MAX: variants seen among roughly 807,000 people sequenced by gnomAD.
MAX encodes MYC associated transcriptional regulator X.
A neutral mutation model predicts 22.3 loss-of-function variants in MAX; 3 were observed. That is an observed-to-expected ratio of 0.13 (90% CI 0.06 to 0.35). The LOEUF is 0.35. MAX is among the 10% of genes least tolerant of loss of function. The pLI, the probability that MAX is intolerant of heterozygous loss-of-function variation, is 1.00. For missense variants in MAX, 119 were observed against 209.4 expected, an observed-to-expected ratio of 0.57 and a Z score of 2.66; for synonymous variants, 72 against 77.7, an observed-to-expected ratio of 0.93 and a Z score of 0.39.
intron 3 of MAX, among the ~76,000 whole-genome samples, chr14:65,064,734 T>G (rs2062914032): frequency 6.6e-6 from 1 of 152,260 alleles, no homozygotes; most frequent in Non-Finnish European, 1.5e-5. Flanking sequence ...TAGAAGCACG[T>G]AGTTTTTGGG....
intron 3 of MAX, among the ~76,000 whole-genome samples, chr14:65,068,783 A>C (rs1372147344): frequency 1.3e-5 from 2 of 152,096 alleles, no homozygotes; most frequent in African/African-American, 4.8e-5. Context: ...TAATGGGTAC[A>C]TTTGGGTTCA....
At chr14:65,021,266 T>G (rs2061881304) in intron 3 of MAX, among the ~76,000 whole-genome samples, 1 of 152,214 alleles carries the variant, frequency 6.6e-6, no homozygotes, top group Non-Finnish European at 1.5e-5. Context: ...TTAGCTTCTG[T>G]AAGATTTAAA....
chr14:65,059,865 T>C (rs1242282525), intron 3 of MAX, among the ~76,000 whole-genome samples: 9 of 148,270 alleles, frequency 6.1e-5, no homozygotes, highest in Non-Finnish European at 1.2e-4. Context: ...AGACAGAGTC[T>C]CGCTGTTGCC....
intron 3 of MAX, among the ~76,000 whole-genome samples, chr14:65,019,693 G>A (rs2061850426): frequency 6.6e-6 from 1 of 152,178 alleles, no homozygotes; most frequent in Non-Finnish European, 1.5e-5. Flanking sequence ...TCTACGCATT[G>A]ATTTAGTGAA....
rs958687640 is a variant in MAX, at chr14:65,031,217, A to G, written c.172-24933T>C. Among the ~76,000 whole-genome samples the G allele has an allele frequency of 1.3e-5, 2 of 152,198 alleles. No homozygotes were observed. Among genetic ancestry groups the G allele is most frequent in the African/African-American group, 2.4e-5 (1 of 41,452 alleles). The stretch of plus-strand genomic sequence containing the variant: ...GAAAGGCAGTCTGTGTGTGTATACC[A>G]TGACAGAGGGAGAAGCTGAAATAAA... On this transcript the variant is annotated intron_variant, in intron 3 of 3. Coordinates refer to the MAX transcript ENST00000341653. This position sits in a 1 kb window ranked among gnomAD's most constrained non-coding sequence, Gnocchi z 4.6.
Position 65,089,572 on chromosome 14 carries a change from T to G in MAX, c.171+4136A>C, listed in dbSNP as rs559107893. On this transcript the variant is annotated intron_variant, in intron 3 of 4. Transcript: ENST00000358664. ...ACAGTGTGGTTGGTTATAATCATTC[T>G]GGCTCAGGTACTGGGGCTTATGAGA... is the stretch of plus-strand genomic sequence containing the variant. Among the ~76,000 whole-genome samples, 462 of 151,972 alleles carry G rather than the reference T, an allele frequency of 3.0e-3. 1 individual carries two copies. The highest frequency in any genetic ancestry group is 0.011 in the African/African-American group (445 of 41,478).
intron 3 of MAX, among the ~76,000 whole-genome samples, chr14:65,008,689 C>T (rs2061634711): frequency 6.6e-6 from 1 of 152,160 alleles, no homozygotes; most frequent in African/African-American, 2.4e-5. Flanking sequence ...AGCCAGGAGA[C>T]TGAAAGGAGC....
downstream of MAX, among the ~76,000 whole-genome samples, chr14:65,073,798 C>T (rs2063012424): frequency 6.6e-6 from 1 of 152,174 alleles, no homozygotes; most frequent in Non-Finnish European, 1.5e-5. Context: ...GTGTTCCTGC[C>T]CAGGAAGCTG....
chr14:65,055,276 T>G (rs1425434950), intron 3 of MAX, among the ~76,000 whole-genome samples: 1 of 152,232 alleles, frequency 6.6e-6, no homozygotes, highest in East Asian at 1.9e-4. Flanking sequence ...GAGGACAACC[T>G]GGAGGTGCTC....
chr14:65,040,665 A>T, intron 3 of MAX: 1 of 1,085,406 alleles, frequency 9.2e-7, no homozygotes, highest in Non-Finnish European at 1.2e-6. Context: ...GCATCTTTTC[A>T]TTCATAGTTG....
chr14:65,021,683 T>TC (rs1414801747), intron 3 of MAX, among the ~76,000 whole-genome samples: 1 of 152,156 alleles, frequency 6.6e-6, no homozygotes, highest in African/African-American at 2.4e-5. Context: ...TCTTGCTGTG[T>TC]CCCCCAGGCT....
At chr14:65,020,816 CCACCTCCCGGGTTCAA>C (rs1328696524) in intron 3 of MAX, among the ~76,000 whole-genome samples, 2 of 150,344 alleles carry the variant, frequency 1.3e-5, no homozygotes, top group Non-Finnish European at 3.0e-5. Flanking sequence ...ACTGCAACCT[CCACCTCCCGGGTTCAA>C]GTGATTCTCC....
chr14:65,056,055 T>C (rs1176320340), intron 3 of MAX, among the ~76,000 whole-genome samples: 1 of 152,228 alleles, frequency 6.6e-6, no homozygotes, highest in Non-Finnish European at 1.5e-5. Flanking sequence ...CCTGTGGATG[T>C]TTTTGTGCTA....
At chr14:65,080,760 C>T (rs757241721) in intron 3 of MAX, among the ~76,000 whole-genome samples, 1 of 152,214 alleles carries the variant, frequency 6.6e-6, no homozygotes, top group Non-Finnish European at 1.5e-5. Context: ...TAGCTCTTAA[C>T]TACCCATGTG....
chr14:65,078,087 G>A lies in MAX; in HGVS notation c.172-51C>T, dbSNP rs772992447. 10 of 1,612,972 alleles carry A rather than the reference G, an allele frequency of 6.2e-6. No individual in the cohort carries two copies. The highest frequency in any genetic ancestry group is 8.5e-6 in the Non-Finnish European group (10 of 1,179,406). The stretch of plus-strand genomic sequence containing the variant: ...GGGGACAAAATAAAAACCCAATCCA[G>A]GCAGTGAGGGAACCTGGCCTGCAGC... On this transcript the variant is annotated intron_variant, in intron 3 of 4. Transcript: ENST00000358664. This position sits in a 1 kb window ranked among gnomAD's most constrained non-coding sequence, Gnocchi z 6.4.
Position 65,014,202 on chromosome 14 carries a change from A to G in MAX, c.172-7918T>C, listed in dbSNP as rs1483257711. On this transcript the variant is annotated intron_variant, in intron 3 of 3. Transcript: ENST00000341653. The surrounding 1 kb of genome is among the most constrained non-coding windows in gnomAD (Gnocchi z 5.1). Reference sequence around the variant, plus strand: ...AAAGGTTAATCTTTGGACCTCATTTATATATTTTAATTTATAAAACTGGGG... The same window carrying G: ...AAAGGTTAATCTTTGGACCTCATTTGTATATTTTAATTTATAAAACTGGGG... 6.6e-6 allele frequency among the ~76,000 whole-genome samples: 1 copy of G among 152,186 alleles called. No individual in the cohort carries two copies. Among genetic ancestry groups the G allele is most frequent in the Admixed American group, 6.5e-5 (1 of 15,274 alleles).
chr14:65,044,391 C>T lies in MAX; in HGVS notation c.172-38107G>A. 6.2e-7 allele frequency: 1 copy of T among 1,613,124 alleles called. No individual in the cohort carries two copies. The highest frequency in any genetic ancestry group is 8.5e-7 in the Non-Finnish European group (1 of 1,179,666). Reference sequence around the variant, plus strand: ...ACAAGCTGGTGGATGGCTGCTACTCCTTCTGGCAGGCGGGGCTCCTGCCCC... The same window carrying T: ...ACAAGCTGGTGGATGGCTGCTACTCTTTCTGGCAGGCGGGGCTCCTGCCCC... On this transcript the variant is annotated intron_variant, in intron 3 of 3. Transcript: ENST00000341653. The surrounding 1 kb of genome is among the most constrained non-coding windows in gnomAD (Gnocchi z 5.5).
intron 3 of MAX, chr14:65,015,579 G>T (rs758595283): frequency 1.2e-6 from 2 of 1,606,946 alleles, no homozygotes; most frequent in Non-Finnish European, 8.5e-7. Context: ...CAGTGTCTTG[G>T]AGTGATTGTG....
intron 3 of MAX, among the ~76,000 whole-genome samples, chr14:65,067,277 A>G (rs1183010194): frequency 6.6e-6 from 1 of 152,212 alleles, no homozygotes; most frequent in Non-Finnish European, 1.5e-5. Flanking sequence ...GAGTTCCCAC[A>G]GACCCATTAG....
Sources: allele counts gnomAD v4.1 joint callset (sites outside exome capture counted in the v4.1 genomes callset), GRCh38; gene constraint gnomAD v4.1.1; non-coding constraint Gnocchi (gnomAD v3.1); transcripts MANE v1.5; gene names NCBI Gene and HGNC (gene_info 2026-07-23, HGNC 2026-07-21).